The following SYT1 variants were observed in gnomAD, a reference collection of about 807,000 sequenced individuals.
SYT1 encodes synaptotagmin 1, also known as synaptotagmin-1.
SYT1 carries 8 observed loss-of-function variants against 44.8 expected under a neutral mutation model. The ratio of observed to expected loss-of-function variants is 0.18; its 90% CI spans 0.10 to 0.32. The LOEUF (loss-of-function observed/expected upper bound fraction) is 0.32, where lower values mean the gene tolerates loss of function less well. Among genes scored for constraint, SYT1 ranks in the 10% least tolerant of loss-of-function variants. SYT1 has a pLI of 1.00. For missense variants in SYT1, 286 were observed against 509.3 expected, an observed-to-expected ratio of 0.56 and a Z score of 4.22; for synonymous variants, 154 against 188.8, an observed-to-expected ratio of 0.82 and a Z score of 1.51.
chr12:79,326,647 T>C (rs1267116927), intron 8 of SYT1, among the ~76,000 whole-genome samples: 1 of 152,342 alleles, frequency 6.6e-6, no homozygotes, highest in Non-Finnish European at 1.5e-5. Flanking sequence ...TGATTTCAAG[T>C]GTCTTTCAAC....
intron 3 of SYT1, among the ~76,000 whole-genome samples, chr12:79,072,769 G>A (rs1388766226): frequency 2.0e-5 from 3 of 152,072 alleles, no homozygotes; most frequent in Non-Finnish European, 4.4e-5. Context: ...GAAATGGAAC[G>A]ATTAATTCAT....
At chr12:79,179,464 T>G (rs1201789613) in intron 3 of SYT1, among the ~76,000 whole-genome samples, 6 of 91,162 alleles carry the variant, frequency 6.6e-5, no homozygotes, top group Non-Finnish European at 1.1e-4. Context: ...ATAATCTATA[T>G]AGATATAGAT....
chr12:79,295,933 T>C, intron 6 of SYT1, 136 bp from the exon 7 acceptor site: 4 of 1,043,318 alleles, frequency 3.8e-6, no homozygotes, highest in South Asian at 2.0e-5. Flanking sequence ...GTGTTCAGAT[T>C]CATAAGAGAA....
chr12:79,326,577 G>T (rs760212343), intron 8 of SYT1, among the ~76,000 whole-genome samples: 2 of 152,222 alleles, frequency 1.3e-5, no homozygotes, highest in Non-Finnish European at 2.9e-5. Flanking sequence ...GAAAAATAGA[G>T]ATGTTTGACA....
intron 2 of SYT1, among the ~76,000 whole-genome samples, chr12:79,039,336 A>C (rs1384455245): frequency 6.6e-6 from 1 of 152,088 alleles, no homozygotes; most frequent in Non-Finnish European, 1.5e-5. Flanking sequence ...ATTGTACAAA[A>C]ACATAAAAGT....
intron 5 of SYT1, among the ~76,000 whole-genome samples, chr12:79,288,885 T>G (rs1399346616): frequency 6.6e-6 from 1 of 152,166 alleles, no homozygotes; most frequent in Non-Finnish European, 1.5e-5. Flanking sequence ...AACGCTCAGA[T>G]ACATTTAGTG....
chr12:79,051,211 ATTGT>A (rs1874459590), intron 3 of SYT1, among the ~76,000 whole-genome samples: 1 of 151,670 alleles, frequency 6.6e-6, no homozygotes, highest in Non-Finnish European at 1.5e-5. Flanking sequence ...TATGTAAATT[ATTGT>A]TTGTCTAATC....
intron 3 of SYT1, among the ~76,000 whole-genome samples, chr12:79,211,913 C>A (rs11113160): frequency 6.6e-6 from 1 of 151,880 alleles, no homozygotes; most frequent in Non-Finnish European, 1.5e-5. Context: ...GTACCCTCAC[C>A]TTCACTATCT....
chr12:78,986,273 CT>C (rs1170025043), intron 2 of SYT1, among the ~76,000 whole-genome samples: 3 of 151,896 alleles, frequency 2.0e-5, no homozygotes, highest in African/African-American at 7.2e-5. Context: ...GTTCCATTTT[CT>C]TTTTGTATAT....
At chr12:79,193,058 T>A (rs1002719991) in intron 3 of SYT1, among the ~76,000 whole-genome samples, 9 of 152,120 alleles carry the variant, frequency 5.9e-5, no homozygotes, top group African/African-American at 2.2e-4. Context: ...CAAAACAATT[T>A]CTTAATAGCC....
intron 1 of SYT1, among the ~76,000 whole-genome samples, chr12:78,946,692 CA>C (rs960151575): frequency 7.3e-6 from 1 of 136,200 alleles, no homozygotes; most frequent in Non-Finnish European, 1.6e-5. Context: ...AAGACTCTGT[CA>C]AAAAAAAGAA....
At chr12:78,959,274 C>T (rs1398597005) in intron 1 of SYT1, among the ~76,000 whole-genome samples, 6 of 151,948 alleles carry the variant, frequency 3.9e-5, no homozygotes, top group African/African-American at 1.2e-4. Context: ...GGAGATGTTC[C>T]AAAGTGTTGA....
intron 3 of SYT1, among the ~76,000 whole-genome samples, chr12:79,161,176 G>T (rs1020936854): frequency 1.3e-5 from 2 of 152,146 alleles, no homozygotes; most frequent in South Asian, 2.1e-4. Context: ...GGAGGCAAAG[G>T]TTGTAGTGAG....
chr12:79,440,911 C>G lies in SYT1; in HGVS notation c.929-3162C>G, dbSNP rs113858127. ...CAGAAAAAGTTACGAACAAGCTAAG[C>G]AAGAGATTAGGGATATCGCTAAAGG... On this transcript the variant is annotated intron_variant, in intron 9 of 10. Coordinates refer to ENST00000261205, the MANE Select transcript of SYT1 (RefSeq NM_005639.3). Among the ~76,000 whole-genome samples the G allele has an allele frequency of 1.9e-4, 29 of 152,204 alleles. 1 individual carries two copies. Among genetic ancestry groups the G allele is most frequent in the African/African-American group, 7.0e-4 (29 of 41,542 alleles).
At chr12:79,330,759 G>A (rs1438984917) in intron 8 of SYT1, among the ~76,000 whole-genome samples, 2 of 152,156 alleles carry the variant, frequency 1.3e-5, no homozygotes, top group Non-Finnish European at 2.9e-5. Context: ...CCACAGAACG[G>A]TCCTTTCACT....
chr12:79,014,855 T>C lies in SYT1; in HGVS notation c.-83-32442T>C, dbSNP rs552324491. 9.9e-4 allele frequency among the ~76,000 whole-genome samples: 151 copies of C among 151,798 alleles called. 1 individual carries two copies. The highest frequency in any genetic ancestry group is 2.0e-3 in the African/African-American group (81 of 41,474). On this transcript the variant is annotated intron_variant, in intron 2 of 10. Transcript: ENST00000261205. ...GACTGGATTAAGAAAATGTGGCACATATACACCATGGAATACTATGCAGCC... is the reference window on the plus strand; with the variant it reads ...GACTGGATTAAGAAAATGTGGCACACATACACCATGGAATACTATGCAGCC...
intron 1 of SYT1, among the ~76,000 whole-genome samples, chr12:78,870,128 A>G (rs1474111061): frequency 1.3e-5 from 2 of 152,090 alleles, no homozygotes; most frequent in East Asian, 3.9e-4. Flanking sequence ...CTACTTGGTT[A>G]AGATATAATT....
intron 1 of SYT1, among the ~76,000 whole-genome samples, chr12:78,941,150 G>T (rs1878346300): frequency 7.4e-6 from 1 of 135,522 alleles, no homozygotes; most frequent in Non-Finnish European, 1.5e-5. Flanking sequence ...TCCTCTCACT[G>T]CAAGCTCTGC....
At chr12:79,169,024 T>A (rs2138340919) in intron 3 of SYT1, among the ~76,000 whole-genome samples, 1 of 152,070 alleles carries the variant, frequency 6.6e-6, no homozygotes, top group South Asian at 2.1e-4. Flanking sequence ...ATTAAATGGG[T>A]TTTCAACAAT....
Sources: allele counts gnomAD v4.1 joint callset (sites outside exome capture counted in the v4.1 genomes callset), GRCh38; gene constraint gnomAD v4.1.1; transcripts MANE v1.5; gene names NCBI Gene and HGNC (gene_info 2026-07-23, HGNC 2026-07-21).